Variants in THSD7A observed in about 807,000 individuals in gnomAD.
THSD7A encodes thrombospondin type-1 domain-containing protein 7A.
THSD7A carries 96 observed loss-of-function variants against 231.3 expected under a neutral mutation model. That is an observed-to-expected ratio of 0.41 (90% confidence interval 0.35 to 0.49). The LOEUF (loss-of-function observed/expected upper bound fraction) is 0.49. Ranked by LOEUF, THSD7A falls within the 20% of genes least tolerant of loss-of-function variation. The pLI is 0.05. For missense variants in THSD7A, 2,290 were observed against 2,070.2 expected, an observed-to-expected ratio of 1.11 and a Z score of -2.06; for synonymous variants, 940 against 743.3, an observed-to-expected ratio of 1.26 and a Z score of -4.30.
chr7:11,467,300 T>C (rs139105766), intron 9 of THSD7A, among the ~76,000 whole-genome samples: 1,801 of 152,214 alleles, frequency 0.012, 18 homozygotes, highest in Non-Finnish European at 0.018. Flanking sequence ...TTCCATTCCC[T>C]TCCTTAGAGC....
rs150002392 is a variant in THSD7A at position 11,373,610 on chromosome 7, T to A, written c.*2184A>T. 2.8e-3 allele frequency: 425 copies of A among 152,182 alleles called. No homozygotes were observed. The highest frequency in any genetic ancestry group is 9.8e-3 in the African/African-American group (409 of 41,558). The allele number at this position is 152,182 out of a possible 1,614,324, so 9.4% of individuals were successfully genotyped here. A position where few individuals can be genotyped will look rare whatever the true frequency, so the allele number is the denominator to read the frequency against. On this transcript the variant is annotated 3_prime_UTR_variant, in exon 28 of 28. Coordinates refer to ENST00000423059, the MANE Select transcript of THSD7A (RefSeq NM_015204.3). ...ATTTCCTAATATAGTGAATATTGAA[T>A]GAGGAATTAGCGCTTACTGCATTTA... is the stretch of plus-strand genomic sequence containing the variant.
intron 7 of THSD7A, among the ~76,000 whole-genome samples, chr7:11,478,692 T>G (rs1786295561): frequency 6.6e-6 from 1 of 152,154 alleles, no homozygotes; most frequent in South Asian, 2.1e-4. Flanking sequence ...GTCATTCATT[T>G]AAGAGGAACA....
Position 11,428,927 on chromosome 7 carries a change from C to T in THSD7A, c.3243+20G>A, listed in dbSNP as rs759932025. Reference sequence around the variant, plus strand: ...TGTGAATCTCAACAATATCTTAACACTGTCAATGATAGAAAATACCTGGTT... The same window carrying T: ...TGTGAATCTCAACAATATCTTAACATTGTCAATGATAGAAAATACCTGGTT... On this transcript the variant is annotated intron_variant, in intron 14 of 27. Transcript: ENST00000423059. 1.3e-6 allele frequency: 2 copies of T among 1,592,486 alleles called. No homozygotes were observed. Among genetic ancestry groups the T allele is most frequent in the Non-Finnish European group, 1.7e-6 (2 of 1,171,964 alleles).
rs528280806 is a variant in THSD7A at position 11,731,570 on chromosome 7, C to T, written c.191-94609G>A. ...TGATCTTATTTCCAATATCTCAAGA[C>T]AATTTTTTACTGTTTTATCCTGCAG... On this transcript the variant is annotated intron_variant, in intron 1 of 27. Coordinates refer to ENST00000423059, the MANE Select transcript of THSD7A (RefSeq NM_015204.3). 1.8e-3 allele frequency among the ~76,000 whole-genome samples: 273 copies of T among 151,628 alleles called. 1 individual carries two copies. Among genetic ancestry groups the T allele is most frequent in the African/African-American group, 6.3e-3 (262 of 41,500 alleles).
At chr7:11,468,848 A>C (rs528803441) in intron 9 of THSD7A, among the ~76,000 whole-genome samples, 1 of 152,052 alleles carries the variant, frequency 6.6e-6, no homozygotes, top group South Asian at 2.1e-4. Flanking sequence ...AAATAAAATA[A>C]AATAAAGAAT....
At chr7:11,669,569 A>G (rs1269163206) in intron 1 of THSD7A, among the ~76,000 whole-genome samples, 8 of 151,100 alleles carry the variant, frequency 5.3e-5, no homozygotes, top group Non-Finnish European at 4.4e-5. Flanking sequence ...AATTCAGACC[A>G]CTCTATTTTT....
intron 1 of THSD7A, among the ~76,000 whole-genome samples, chr7:11,767,048 G>A (rs934573362): frequency 6.6e-6 from 1 of 152,100 alleles, no homozygotes; most frequent in African/African-American, 2.4e-5. Context: ...TTCTTTTAAT[G>A]ATTTGGGAAA....
chr7:11,525,053 A>T (rs1788415997), intron 6 of THSD7A, among the ~76,000 whole-genome samples: 1 of 152,226 alleles, frequency 6.6e-6, no homozygotes, highest in African/African-American at 2.4e-5. Context: ...TTTCACATTT[A>T]ATATTAACCT....
chr7:11,509,985 T>C (rs1244034960), intron 6 of THSD7A, among the ~76,000 whole-genome samples: 1 of 152,024 alleles, frequency 6.6e-6, no homozygotes, highest in Non-Finnish European at 1.5e-5. Context: ...CATTACATAA[T>C]GTATACGTGT....
At chr7:11,533,883 C>T (rs890739153) in intron 6 of THSD7A, among the ~76,000 whole-genome samples, 1 of 152,150 alleles carries the variant, frequency 6.6e-6, no homozygotes, top group Non-Finnish European at 1.5e-5. Flanking sequence ...TATCTTGGGA[C>T]TTAAAGTGAT....
chr7:11,593,347 C>A lies in THSD7A; in HGVS notation c.1178G>T (p.Arg393Met). 6.2e-7 allele frequency: 1 copy of A among 1,614,010 alleles called. No individual in the cohort carries two copies. Among genetic ancestry groups the A allele is most frequent in the Non-Finnish European group, 8.5e-7 (1 of 1,179,896 alleles). Residue 393 changes from arginine (R) to methionine (M), a missense_variant, in exon 3 of 28, where the codon AGG becomes ATG. Arg to Met is a moderately conservative substitution (Grantham distance 91). Transcript: ENST00000423059. ...AGTRVRTRTI[R>M]QFPIGSEKEC... ...CTTTTCACTGCCAATGGGAAACTGC[C>A]TGATGGTTCGTGTCCTTACACGAGT...
At chr7:11,569,602 C>T (rs1487267383) in intron 4 of THSD7A, among the ~76,000 whole-genome samples, 23 of 152,152 alleles carry the variant, frequency 1.5e-4, no homozygotes, top group Non-Finnish European at 3.2e-4. Flanking sequence ...TGACTTTGGA[C>T]AACAGTGTTG....
At chr7:11,456,156 C>A (rs529047715) in intron 11 of THSD7A, among the ~76,000 whole-genome samples, 2 of 152,108 alleles carry the variant, frequency 1.3e-5, no homozygotes, top group East Asian at 3.9e-4. Context: ...ATATGAGACA[C>A]ACACATTCTC....
intron 1 of THSD7A, among the ~76,000 whole-genome samples, chr7:11,704,026 C>A (rs1241830578): frequency 6.6e-6 from 1 of 151,148 alleles, no homozygotes; most frequent in East Asian, 2.0e-4. Flanking sequence ...TTAGTGGTAT[C>A]TTTGAAGCAT....
rs190646016 is a variant in THSD7A at position 11,714,206 on chromosome 7, T to C, written c.191-77245A>G. Among the ~76,000 whole-genome samples, 6 of 151,354 alleles carry C rather than the reference T, an allele frequency of 4.0e-5. No homozygotes were observed. The East Asian group carries it at 1.2e-3, about 30-fold the overall frequency. On this transcript the variant is annotated intron_variant, in intron 1 of 27. Transcript: ENST00000423059. ...GTTAATAAAATAATAGTATAATAAA[T>C]TAATTATAAAAGTGTTTAAAAGTAT...
chr7:11,408,331 C>G (rs772583308), intron 19 of THSD7A, among the ~76,000 whole-genome samples: 20 of 151,888 alleles, frequency 1.3e-4, no homozygotes, highest in Non-Finnish European at 2.5e-4. Context: ...CTCACCTCTA[C>G]TAAAAAAAAT....
intron 11 of THSD7A, among the ~76,000 whole-genome samples, chr7:11,448,210 C>G (rs1209355711): frequency 6.6e-6 from 1 of 151,912 alleles, no homozygotes; most frequent in South Asian, 2.1e-4. Flanking sequence ...AATTATTTCG[C>G]CTATGATATT....
intron 4 of THSD7A, among the ~76,000 whole-genome samples, chr7:11,589,033 C>G (rs1301975448): frequency 6.6e-6 from 1 of 152,134 alleles, no homozygotes; most frequent in Non-Finnish European, 1.5e-5. Flanking sequence ...TCACTGGTGT[C>G]AGTCCTTTTT....
At chr7:11,401,510 C>T (rs571741536) in intron 23 of THSD7A, among the ~76,000 whole-genome samples, 7 of 152,218 alleles carry the variant, frequency 4.6e-5, no homozygotes, top group Non-Finnish European at 7.4e-5. Context: ...TCTGGCCTCC[C>T]GGGATCAAGT....
Sources: allele counts gnomAD v4.1 joint callset (sites outside exome capture counted in the v4.1 genomes callset), GRCh38; gene constraint gnomAD v4.1.1; transcripts MANE v1.5; gene names NCBI Gene and HGNC (gene_info 2026-07-23, HGNC 2026-07-21).